Variants in HS6ST3 observed in about 807,000 individuals in gnomAD.
HS6ST3 encodes the protein heparan-sulfate 6-O-sulfotransferase 3.
In HS6ST3, 12 loss-of-function variants were observed where a neutral mutation model predicts 36.7. The observed-to-expected ratio is 0.33, with a 90% confidence interval of 0.21 to 0.53. The LOEUF is 0.53. Among genes scored for constraint, HS6ST3 ranks in the 20% least tolerant of loss-of-function variants. The pLI is 0.95. For missense variants in HS6ST3, 584 were observed against 640.9 expected (o/e 0.91, Z 0.96); for synonymous variants, 240 against 257.5 (o/e 0.93, Z 0.65).
chr13:96,126,075 G>A (rs191079291), intron 1 of HS6ST3, among the ~76,000 whole-genome samples: 124 of 152,214 alleles, frequency 8.1e-4, no homozygotes, highest in African/African-American at 2.7e-3. Context: ...TTTTAATTCC[G>A]TAAACGCATG....
intron 1 of HS6ST3, among the ~76,000 whole-genome samples, chr13:96,454,874 T>TAAA (rs5805970): frequency 6.9e-6 from 1 of 144,270 alleles, no homozygotes. Flanking sequence ...TATTGAACTC[T>TAAA]AAAAAAAAAA....
At chr13:96,200,622 T>C (rs2054336966) in intron 1 of HS6ST3, among the ~76,000 whole-genome samples, 2 of 152,192 alleles carry the variant, frequency 1.3e-5, no homozygotes, top group African/African-American at 4.8e-5. Context: ...TTTATAACTA[T>C]ATTATTTTTT....
At chr13:96,183,182 A>G (rs1386759587) in intron 1 of HS6ST3, among the ~76,000 whole-genome samples, 1 of 152,156 alleles carries the variant, frequency 6.6e-6, no homozygotes, top group African/African-American at 2.4e-5. Flanking sequence ...ACAGAGTGCT[A>G]TGTTAAAGCT....
intron 1 of HS6ST3, among the ~76,000 whole-genome samples, chr13:96,195,054 A>G (rs2054305623): frequency 6.6e-6 from 1 of 152,226 alleles, no homozygotes; most frequent in Non-Finnish European, 1.5e-5. Flanking sequence ...TTTCAGATAT[A>G]AAACCATTAC....
intron 1 of HS6ST3, among the ~76,000 whole-genome samples, chr13:96,776,397 C>T (rs1331797027): frequency 4.3e-4 from 66 of 151,948 alleles, no homozygotes; most frequent in Admixed American, 4.3e-3. Flanking sequence ...TCAGTGAATC[C>T]AGGAGCTGGT....
At chr13:96,270,684 A>T (rs1319335509) in intron 1 of HS6ST3, among the ~76,000 whole-genome samples, 2 of 151,876 alleles carry the variant, frequency 1.3e-5, no homozygotes, top group Non-Finnish European at 2.9e-5. Flanking sequence ...TCCTCAACAA[A>T]ATTGTCTGTT....
intron 1 of HS6ST3, among the ~76,000 whole-genome samples, chr13:96,276,737 G>T (rs898675384): frequency 6.6e-6 from 1 of 152,172 alleles, no homozygotes; most frequent in Non-Finnish European, 1.5e-5. Context: ...CATAGGTTAT[G>T]TGGAAGATTC....
At position 96,311,818 on chromosome 13, in the gene HS6ST3, A is replaced by G. The variant is rs9556557; in HGVS notation, c.707+220249A>G. ...GTTTCTGGCAACTGTCTAGCCACCA[A>G]GTAGAACTTGGAAATAAAACCATTG... is the stretch of plus-strand genomic sequence containing the variant. On this transcript the variant is annotated intron_variant, in intron 1 of 1. Coordinates refer to ENST00000376705, the MANE Select transcript of HS6ST3 (RefSeq NM_153456.4). 9.2e-5 allele frequency among the ~76,000 whole-genome samples: 14 copies of G among 152,324 alleles called. 1 individual carries two copies. The East Asian group carries it at 2.7e-3, about 29-fold the overall frequency.
intron 1 of HS6ST3, among the ~76,000 whole-genome samples, chr13:96,437,971 T>C (rs1341499048): frequency 6.6e-6 from 1 of 152,208 alleles, no homozygotes; most frequent in Non-Finnish European, 1.5e-5. Context: ...CAAATGTTAT[T>C]GGAAATCTCC....
chr13:96,385,401 AGGAACAT>A (rs779553784), intron 1 of HS6ST3, among the ~76,000 whole-genome samples: 4 of 152,176 alleles, frequency 2.6e-5, no homozygotes, highest in African/African-American at 4.8e-5. Context: ...CATTGGTTAT[AGGAACAT>A]GTTAAAATCA....
chr13:96,612,348 T>G (rs765562881), intron 1 of HS6ST3, among the ~76,000 whole-genome samples: 1 of 151,970 alleles, frequency 6.6e-6, no homozygotes, highest in Non-Finnish European at 1.5e-5. Flanking sequence ...TTTATTAGGG[T>G]CATTTATTGT....
At chr13:96,520,339 C>T (rs1224830731) in intron 1 of HS6ST3, among the ~76,000 whole-genome samples, 2 of 145,728 alleles carry the variant, frequency 1.4e-5, no homozygotes, top group Non-Finnish European at 3.1e-5. Context: ...GCTATGCGGG[C>T]TCTGTTTTGG....
Position 96,647,986 on chromosome 13 carries a change from T to C in HS6ST3, c.708-184504T>C, listed in dbSNP as rs182413663. Among the ~76,000 whole-genome samples, 82 of 152,164 alleles carry C rather than the reference T, an allele frequency of 5.4e-4. No homozygotes were observed. The East Asian group carries it at 6.0e-3, about 11-fold the overall frequency. On this transcript the variant is annotated intron_variant, in intron 1 of 1. Transcript: ENST00000376705. Reference sequence around the variant, plus strand: ...TATATCCTTGGGAGATTTTATCCTTTCCTTTGGCTTTAATTACCACTTGTT... The same window carrying C: ...TATATCCTTGGGAGATTTTATCCTTCCCTTTGGCTTTAATTACCACTTGTT...
At chr13:96,223,958 T>C (rs538457266) in intron 1 of HS6ST3, among the ~76,000 whole-genome samples, 2 of 151,778 alleles carry the variant, frequency 1.3e-5, no homozygotes, top group Admixed American at 1.3e-4. Flanking sequence ...TCCCCTCCCG[T>C]CTCAATCTTC....
chr13:96,678,614 C>T (rs1186727057), intron 1 of HS6ST3, among the ~76,000 whole-genome samples: 1 of 151,834 alleles, frequency 6.6e-6, no homozygotes, highest in African/African-American at 2.4e-5. Context: ...GCAGAGGCTG[C>T]AGTGAGCCAA....
chr13:96,705,632 C>A (rs1875400440), intron 1 of HS6ST3, among the ~76,000 whole-genome samples: 1 of 152,188 alleles, frequency 6.6e-6, no homozygotes, highest in East Asian at 1.9e-4. Context: ...CCAGCTCAAG[C>A]TTCACCATCC....
At chr13:96,722,035 A>G (rs1369898383) in intron 1 of HS6ST3, among the ~76,000 whole-genome samples, 2 of 152,038 alleles carry the variant, frequency 1.3e-5, no homozygotes, top group African/African-American at 4.8e-5. Flanking sequence ...GGGAGGTTGG[A>G]TGGGCGGATC....
At chr13:96,568,546 C>G (rs563496324) in intron 1 of HS6ST3, among the ~76,000 whole-genome samples, 1 of 152,278 alleles carries the variant, frequency 6.6e-6, no homozygotes, top group East Asian at 1.9e-4. Flanking sequence ...CGTGAGCCAC[C>G]ACGCCTGGCC....
chr13:96,717,132 A>G (rs922172469), intron 1 of HS6ST3, among the ~76,000 whole-genome samples: 43 of 152,326 alleles, frequency 2.8e-4, no homozygotes, highest in Middle Eastern at 3.4e-3. Flanking sequence ...TGAGCAGAGA[A>G]CATTGCTCAG....
Sources: allele counts gnomAD v4.1 joint callset (sites outside exome capture counted in the v4.1 genomes callset), GRCh38; gene constraint gnomAD v4.1.1; transcripts MANE v1.5; gene names NCBI Gene and HGNC (gene_info 2026-07-23, HGNC 2026-07-21).